The following RYR3 variants were observed in gnomAD, a reference collection of about 807,000 sequenced individuals.
The protein encoded by RYR3 is ryanodine receptor 3.
RYR3 carries 207 observed loss-of-function variants against 584.3 expected under a neutral mutation model. That is an observed-to-expected ratio of 0.35 (90% CI 0.32 to 0.40). The LOEUF is 0.40. Ranked by LOEUF, RYR3 falls within the 10% of genes least tolerant of loss-of-function variation. The probability of loss-of-function intolerance (pLI) is 1.00; values close to 1 mark genes in which losing one functional copy is unlikely to be tolerated. For synonymous variants in RYR3, 2,416 were observed against 2,248.5 expected, an observed-to-expected ratio of 1.07 and a Z score of -2.11; for missense variants, 5,616 against 6,089.2, an observed-to-expected ratio of 0.92 and a Z score of 2.59.
intron 75 of RYR3, among the ~76,000 whole-genome samples, chr15:33,817,741 T>G (rs1173448654): frequency 6.6e-6 from 1 of 152,214 alleles, no homozygotes; most frequent in Non-Finnish European, 1.5e-5. Context: ...CATATATTCC[T>G]GTTGGTGAGA....
At chr15:33,565,668 C>A (rs1434733152) in intron 11 of RYR3, among the ~76,000 whole-genome samples, 1 of 152,174 alleles carries the variant, frequency 6.6e-6, no homozygotes, top group Non-Finnish European at 1.5e-5. Context: ...CAAGAGGAAA[C>A]CATGCCAGTG....
At chr15:33,816,172 C>T (rs937601532) in intron 74 of RYR3, among the ~76,000 whole-genome samples, 51 of 152,196 alleles carry the variant, frequency 3.4e-4, no homozygotes, top group Admixed American at 3.2e-3. Flanking sequence ...ACTGTCCTCA[C>T]ATTTTGTAAA....
intron 60 of RYR3, among the ~76,000 whole-genome samples, chr15:33,764,685 G>A (rs2072848700): frequency 6.6e-6 from 1 of 151,954 alleles, no homozygotes; most frequent in Non-Finnish European, 1.5e-5. Flanking sequence ...ATAAACAGGT[G>A]GACACTGCTT....
At chr15:33,442,202 A>G (rs977447374) in intron 1 of RYR3, among the ~76,000 whole-genome samples, 3 of 152,240 alleles carry the variant, frequency 2.0e-5, no homozygotes, top group Admixed American at 2.0e-4. Flanking sequence ...CCAATGATAC[A>G]TTAATTAATG....
At chr15:33,359,843 G>A (rs527762072) in intron 1 of RYR3, among the ~76,000 whole-genome samples, 81 of 151,816 alleles carry the variant, frequency 5.3e-4, no homozygotes, top group Non-Finnish European at 9.7e-4. Context: ...GGATGGTCTC[G>A]ATCTCCTGAC....
chr15:33,609,931 G>C (rs1278154571), intron 18 of RYR3, among the ~76,000 whole-genome samples: 1 of 152,014 alleles, frequency 6.6e-6, no homozygotes, highest in East Asian at 1.9e-4. Context: ...TTCAACTTTG[G>C]TTCAGTTTTG....
Position 33,652,703 on chromosome 15 carries a change from T to C in RYR3, c.4143-15T>C, listed in dbSNP as rs2062557333. ...CCAGTCCAGATTCTGTGCCTTTTCC[T>C]GTCTTGGCTCCTAGTGTGAAACGCA... On this transcript the variant is annotated splice_polypyrimidine_tract_variant and intron_variant, in intron 31 of 103. Coordinates refer to ENST00000634891, the MANE Select transcript of RYR3 (RefSeq NM_001036.6). The C allele has an allele frequency of 6.2e-7, 1 of 1,611,170 alleles. No individual in the cohort carries two copies. Among genetic ancestry groups the C allele is most frequent in the African/African-American group, 1.3e-5 (1 of 74,862 alleles).
At chr15:33,695,394 T>G (rs918920252) in intron 38 of RYR3, among the ~76,000 whole-genome samples, 1 of 152,138 alleles carries the variant, frequency 6.6e-6, no homozygotes, top group Non-Finnish European at 1.5e-5. Context: ...GAGTCCCAGT[T>G]CAGTGATCTT....
intron 43 of RYR3, among the ~76,000 whole-genome samples, chr15:33,720,887 T>A (rs2067856330): frequency 1.4e-5 from 2 of 146,924 alleles, no homozygotes. Context: ...AAAAAAAAAA[T>A]GCTTTACTCA....
chr15:33,781,865 G>T (rs1484122417), intron 65 of RYR3, among the ~76,000 whole-genome samples: 1 of 151,598 alleles, frequency 6.6e-6, no homozygotes, highest in Non-Finnish European at 1.5e-5. Context: ...AAAAAGGGGG[G>T]GGGGATTTCC....
intron 14 of RYR3, among the ~76,000 whole-genome samples, chr15:33,582,083 T>G (rs2058622231): frequency 6.6e-6 from 1 of 152,238 alleles, no homozygotes; most frequent in Non-Finnish European, 1.5e-5. Context: ...TTATTTCATT[T>G]TGGTGAAAAG....
At chr15:33,765,706 G>A (rs1346389392) in intron 60 of RYR3, among the ~76,000 whole-genome samples, 1 of 151,346 alleles carries the variant, frequency 6.6e-6, no homozygotes, top group East Asian at 1.9e-4. Flanking sequence ...CCAGTGAACA[G>A]TGTACATTAT....
intron 1 of RYR3, among the ~76,000 whole-genome samples, chr15:33,469,649 T>C (rs1292591182): frequency 6.6e-6 from 1 of 151,976 alleles, no homozygotes; most frequent in Non-Finnish European, 1.5e-5. Flanking sequence ...AGCCTTTCAG[T>C]GCACTGGGAC....
At chr15:33,316,114 A>G (rs976718821) in intron 1 of RYR3, among the ~76,000 whole-genome samples, 1 of 152,218 alleles carries the variant, frequency 6.6e-6, no homozygotes, top group Admixed American at 6.5e-5. Flanking sequence ...GAGGGCAAAA[A>G]AAATGGTGAA....
At chr15:33,334,423 C>T (rs190096798) in intron 1 of RYR3, among the ~76,000 whole-genome samples, 311 of 152,226 alleles carry the variant, frequency 2.0e-3, no homozygotes, top group Non-Finnish European at 2.9e-3. Context: ...CAAAAATAAG[C>T]AATGGGGAAG....
intron 38 of RYR3, among the ~76,000 whole-genome samples, chr15:33,679,005 C>G (rs2064384335): frequency 6.6e-6 from 1 of 152,208 alleles, no homozygotes; most frequent in Admixed American, 6.5e-5. Context: ...ATGAATTCTT[C>G]AAAAGTCCTC....
At chr15:33,853,435 T>C (rs906148963) in intron 95 of RYR3, 120 bp from the exon 96 acceptor site, 6 of 1,263,616 alleles carry the variant, frequency 4.7e-6, no homozygotes, top group Non-Finnish European at 6.4e-6. Flanking sequence ...TTTTGAACTA[T>C]GTCTTCATCT....
chr15:33,699,857 C>G (rs774036324), intron 41 of RYR3, 24 bp downstream of exon 41: 3 of 1,602,466 alleles, frequency 1.9e-6, no homozygotes, highest in Non-Finnish European at 2.6e-6. Context: ...CTTGTAACTT[C>G]CACATCCAAA....
chr15:33,663,629 G>A lies in RYR3; in HGVS notation c.5511G>A (p.Leu1837=), dbSNP rs1566906341. The change falls in exon 36 of 104, where the codon CTG becomes CTA. Residue 1837 remains leucine (L), a synonymous_variant. Transcript: ENST00000634891. The part of the protein sequence containing the change: ...VAFGDIYVSK[L]QANQKFRYNE... ...TTGGTGACATTTATGTCTCCAAGCTGCAGGCAAATCAGAAGTTCCGCTACA... is the reference window on the plus strand; with the variant it reads ...TTGGTGACATTTATGTCTCCAAGCTACAGGCAAATCAGAAGTTCCGCTACA... 1 of 1,613,482 alleles carries A rather than the reference G, an allele frequency of 6.2e-7. No homozygotes were observed. The highest frequency in any genetic ancestry group is 8.5e-7 in the Non-Finnish European group (1 of 1,179,752).
Sources: gnomAD v4.1 joint callset for allele counts (sites outside exome capture counted in the v4.1 genomes callset) on GRCh38, gnomAD v4.1.1 for gene constraint, MANE v1.5 for transcripts, NCBI Gene and HGNC (gene_info 2026-07-23, HGNC 2026-07-21) for gene names.